Variants in AIFM2 observed in about 807,000 individuals in gnomAD.
AIFM2 encodes ferroptosis suppressor protein 1.
In AIFM2, 38 loss-of-function variants were observed where a neutral mutation model predicts 35.7. That is an observed-to-expected ratio of 1.06 (90% CI 0.82 to 1.39). AIFM2 has a LOEUF of 1.39. Ranked by LOEUF, AIFM2 falls within the 40% of genes most tolerant of loss-of-function variation. The probability of loss-of-function intolerance (pLI) is 0.00; values close to 1 mark genes in which losing one functional copy is unlikely to be tolerated. For missense variants in AIFM2, 476 were observed against 491.2 expected, an observed-to-expected ratio of 0.97 and a Z score of 0.29; for synonymous variants, 185 against 203.5, an observed-to-expected ratio of 0.91 and a Z score of 0.77.
chr10:70,130,070 G>C (rs186346185), intron 1 of AIFM2, among the ~76,000 whole-genome samples: 1 of 152,274 alleles, frequency 6.6e-6, no homozygotes, highest in East Asian at 1.9e-4. Flanking sequence ...TGTGGTCCCT[G>C]ATATCAGGAG....
chr10:70,121,548 C>G (rs547082127), intron 3 of AIFM2, among the ~76,000 whole-genome samples: 3 of 152,024 alleles, frequency 2.0e-5, no homozygotes, highest in Non-Finnish European at 4.4e-5. Flanking sequence ...ACACTGCCCA[C>G]GGGAGTTAGC....
Position 70,116,641 on chromosome 10 carries a change from G to A in AIFM2, c.750C>T (p.Ser250=), listed in dbSNP as rs553102192. The part of the protein sequence containing the change: ...ILCTGIKINS[S]AYRKAFESRL... ...GCTCACCAAACGCTTTGCGGTAGGCGGAGCTGTTGATCTTGATGCCGGTGC... is the reference window on the plus strand; with the variant it reads ...GCTCACCAAACGCTTTGCGGTAGGCAGAGCTGTTGATCTTGATGCCGGTGC... The change falls in exon 7 of 9, where the codon TCC becomes TCT. Residue 250 remains serine (S), a synonymous_variant. Coordinates refer to ENST00000307864, the MANE Select transcript of AIFM2 (RefSeq NM_032797.6). 8.6e-5 allele frequency: 139 copies of A among 1,613,902 alleles called. No homozygotes were observed. In the East Asian group the frequency reaches 2.6e-3, roughly 30 times the overall value.
chr10:70,128,759 G>A (rs948453932), intron 1 of AIFM2, among the ~76,000 whole-genome samples: 2 of 152,224 alleles, frequency 1.3e-5, no homozygotes, highest in Non-Finnish European at 2.9e-5. Flanking sequence ...ACTTCAGGAG[G>A]CAAAGGCAGG....
intron 1 of AIFM2, among the ~76,000 whole-genome samples, chr10:70,124,971 C>T (rs1332241467): frequency 6.6e-6 from 1 of 152,134 alleles, no homozygotes; most frequent in Admixed American, 6.5e-5. Flanking sequence ...CATACGGTCT[C>T]CACCCTCATG....
At chr10:70,130,116 G>A (rs968427936) in intron 1 of AIFM2, among the ~76,000 whole-genome samples, 2 of 152,142 alleles carry the variant, frequency 1.3e-5, no homozygotes, top group East Asian at 3.9e-4. Flanking sequence ...CTAGGAGGTC[G>A]AGGTTGCAGT....
intron 3 of AIFM2, among the ~76,000 whole-genome samples, chr10:70,122,025 G>C (rs2072514625): frequency 6.6e-6 from 1 of 152,136 alleles, no homozygotes; most frequent in Non-Finnish European, 1.5e-5. Context: ...CTGGGAGGCA[G>C]AGGTTGTGGT....
intron 1 of AIFM2, 52 bp from the exon 2 acceptor site, chr10:70,124,149 T>G: frequency 7.5e-7 from 1 of 1,335,276 alleles, no homozygotes; most frequent in Non-Finnish European, 9.7e-7. Context: ...CTGGGAGGGC[T>G]GGGAGGACCC....
At chr10:70,123,038 T>C (rs1264609844) in intron 3 of AIFM2, among the ~76,000 whole-genome samples, 1 of 152,134 alleles carries the variant, frequency 6.6e-6, no homozygotes, top group Non-Finnish European at 1.5e-5. Context: ...TTTATTTTTA[T>C]TTTTTGAGAT....
At position 70,124,105 on chromosome 10, in the gene AIFM2, G is replaced by A. The variant is rs774210272; in HGVS notation, c.-13-8C>T. The A allele has an allele frequency of 2.0e-6, 3 of 1,463,974 alleles. No individual in the cohort carries two copies. Among genetic ancestry groups the A allele is most frequent in the Middle Eastern group, 1.8e-4 (1 of 5,578 alleles). The allele number at this position is 1,463,974 out of a possible 1,614,324, so 90.7% of individuals were successfully genotyped here. On this transcript the variant is annotated splice_region_variant and splice_polypyrimidine_tract_variant and intron_variant, in intron 1 of 8. Coordinates refer to ENST00000307864, the MANE Select transcript of AIFM2 (RefSeq NM_032797.6). ...CCCATCTCAAATCAGGCACTGCTGGGAAGAAAGAGGAGAGCATATCAGAGT... is the reference window on the plus strand; with the variant it reads ...CCCATCTCAAATCAGGCACTGCTGGAAAGAAAGAGGAGAGCATATCAGAGT...
intron 5 of AIFM2, among the ~76,000 whole-genome samples, chr10:70,118,892 G>A (rs1317650732): frequency 1.3e-5 from 2 of 152,170 alleles, no homozygotes; most frequent in African/African-American, 4.8e-5. Context: ...AGCATCTTTT[G>A]TTCTAATGAA....
chr10:70,122,605 G>C (rs773897035), intron 3 of AIFM2, among the ~76,000 whole-genome samples: 2 of 152,230 alleles, frequency 1.3e-5, no homozygotes, highest in Non-Finnish European at 2.9e-5. Context: ...CTCTGCCCCA[G>C]TGACGTCCCG....
rs200524653 is a variant in AIFM2, at chr10:70,124,045, C to T, written c.40G>A (p.Val14Met). 1.1e-5 allele frequency: 18 copies of T among 1,602,268 alleles called. No homozygotes were observed. The highest frequency in any genetic ancestry group is 6.8e-5 in the East Asian group (3 of 44,380). The change falls in exon 2 of 9, where the codon GTG becomes ATG. Residue 14 changes from valine to methionine, a missense_variant. Coordinates refer to ENST00000307864, the MANE Select transcript of AIFM2 (RefSeq NM_032797.6). ...CCAAAGCCCCCACCCACAATCACCACGTGCAGAGCTCCCGATTCCACCGAG... is the reference window on the plus strand; with the variant it reads ...CCAAAGCCCCCACCCACAATCACCATGTGCAGAGCTCCCGATTCCACCGAG... Reference protein sequence around the residue: ...QVSVESGALHVVIVGGGFGGI... With the variant: ...QVSVESGALHMVIVGGGFGGI...
In AIFM2 at chr10:70,112,752, C is replaced by T. The variant is rs1207064001; in HGVS notation, c.*1426G>A. 1 of 152,298 alleles carries T rather than the reference C, an allele frequency of 6.6e-6. No individual in the cohort carries two copies. Among genetic ancestry groups the T allele is most frequent in the African/African-American group, 2.4e-5 (1 of 41,460 alleles). The allele number at this position is 152,298 out of a possible 1,614,324, so 9.4% of individuals were successfully genotyped here. ...TTCTGCTATGCAGATTTAACCCAGG[C>T]AGTCCAAGAGGGGCTCCTCTGGATT... On this transcript the variant is annotated 3_prime_UTR_variant, in exon 9 of 9. Coordinates refer to ENST00000307864, the MANE Select transcript of AIFM2 (RefSeq NM_032797.6).
chr10:70,124,882 A>G (rs1170130701), intron 1 of AIFM2, among the ~76,000 whole-genome samples: 1 of 152,184 alleles, frequency 6.6e-6, no homozygotes, highest in Non-Finnish European at 1.5e-5. Context: ...ATCCTGCAAA[A>G]TTCTGCTTCT....
intron 7 of AIFM2, among the ~76,000 whole-genome samples, chr10:70,116,138 C>T (rs2072432801): frequency 6.6e-6 from 1 of 152,218 alleles, no homozygotes; most frequent in Non-Finnish European, 1.5e-5. Context: ...CAGTCCACCT[C>T]TGCCACCTCC....
At chr10:70,119,443 C>T (rs941308976) in intron 5 of AIFM2, among the ~76,000 whole-genome samples, 40 of 152,228 alleles carry the variant, frequency 2.6e-4, no homozygotes, top group African/African-American at 8.2e-4. Context: ...TCTGCGCTAA[C>T]GCCAGGTAGT....
chr10:70,123,848 G>A, intron 2 of AIFM2, 59 bp downstream of exon 2: 1 of 1,459,180 alleles, frequency 6.9e-7, no homozygotes, highest in Non-Finnish European at 9.1e-7. Context: ...CTAAAATCAA[G>A]CCCCAGAGCA....
At position 70,131,019 on chromosome 10, in the gene AIFM2, G is replaced by GTAT. The variant is rs1222268433; in HGVS notation, c.-14+1712_-14+1714dup. Among the ~76,000 whole-genome samples, 6 of 152,112 alleles carry GTAT rather than the reference G, an allele frequency of 3.9e-5. No homozygotes were observed. The highest frequency in any genetic ancestry group is 1.4e-4 in the African/African-American group (6 of 41,408). Reference sequence around the variant, plus strand: ...AAGAGCATCCACCCTGATCTCAAGGGTATTATTCCACAATAAGCAGCCCAT... The same window carrying GTAT: ...AAGAGCATCCACCCTGATCTCAAGGGTATTATTATTCCACAATAAGCAGCCCAT... On this transcript the variant is annotated intron_variant, in intron 1 of 8. Transcript: ENST00000307864. The surrounding 1 kb of genome is among the most constrained non-coding windows in gnomAD (Gnocchi z 4.1).
At chr10:70,126,904 A>T (rs884195) in intron 1 of AIFM2, among the ~76,000 whole-genome samples, 32,422 of 142,100 alleles carry the variant, frequency 0.23, 4,458 homozygotes, top group African/African-American at 0.39. Context: ...GCCCTCGTAG[A>T]GATTAGGACC....
Sources: gnomAD v4.1 joint callset for allele counts (sites outside exome capture counted in the v4.1 genomes callset) on GRCh38, gnomAD v4.1.1 for gene constraint, Gnocchi (gnomAD v3.1) non-coding constraint, MANE v1.5 for transcripts, NCBI Gene and HGNC (gene_info 2026-07-23, HGNC 2026-07-21) for gene names.